POLE: variants seen among roughly 807,000 people sequenced by gnomAD.
POLE encodes the protein DNA polymerase epsilon catalytic subunit A.
In POLE, 188 loss-of-function variants were observed where a neutral mutation model predicts 279.2. That is an observed-to-expected ratio of 0.67 (90% CI 0.60 to 0.76). The LOEUF (loss-of-function observed/expected upper bound fraction) is 0.76. POLE is among the 30% of genes least tolerant of loss of function. POLE has a pLI of 0.00. For missense variants in POLE, 2,703 were observed against 3,016.7 expected (o/e 0.90, Z 2.44); for synonymous variants, 1,214 against 1,172.5 (o/e 1.04, Z -0.72).
intron 9 of POLE, 170 bp downstream of exon 9, chr12:132,676,376 T>C: frequency 1.4e-6 from 1 of 709,074 alleles, no homozygotes; most frequent in East Asian, 2.7e-5. Flanking sequence ...GGATTCCCAC[T>C]CGAAAGGGGA....
Position 132,668,777 on chromosome 12 carries a change from A to C in POLE, c.1923+34T>G, listed in dbSNP as rs761649085. On this transcript the variant is annotated intron_variant, in intron 17 of 48. Transcript: ENST00000320574. The surrounding 1 kb of genome is among the most constrained non-coding windows in gnomAD (Gnocchi z 4.0). Reference sequence around the variant, plus strand: ...AAAGCACTTAGGGCTGGGCAGAGAGAGCTCCGACTCTGACACGGGAAGTAA... The same window carrying C: ...AAAGCACTTAGGGCTGGGCAGAGAGCGCTCCGACTCTGACACGGGAAGTAA... 1.2e-6 allele frequency: 2 copies of C among 1,613,668 alleles called. No individual in the cohort carries two copies. The highest frequency in any genetic ancestry group is 4.5e-5 in the East Asian group (2 of 44,852).
rs984562653 is a variant in POLE at position 132,649,515 on chromosome 12, C to T, written c.3796G>A (p.Glu1266Lys). 2 of 1,611,778 alleles carry T rather than the reference C, an allele frequency of 1.2e-6. No individual in the cohort carries two copies. The highest frequency in any genetic ancestry group is 2.2e-5 in the East Asian group (1 of 44,858). The stretch of plus-strand genomic sequence containing the variant: ...AACCGGAGCCAGACAAGCCATTCCT[C>T]CTGGGATGGATGGTGAGCACAGCCA... ...GQPPALGTSQ[E>K]EWLVWLRFHK... The change falls in exon 31 of 49, where the codon GAG (glutamate) becomes AAG (lysine). Residue 1266 changes from glutamate (E) to lysine (K), a missense_variant and splice_region_variant. Glu to Lys is a moderately conservative substitution (Grantham distance 56). Around this residue, in one of 5 missense-constraint regions of POLE, gnomAD observed 1,551 missense variants for 1,686.1 expected, o/e 0.92. Coordinates refer to ENST00000320574, the MANE Select transcript of POLE (RefSeq NM_006231.4).
In POLE at chr12:132,672,651, G is replaced by T. The variant is rs752219944; in HGVS notation, c.1662C>A (p.Ser554Arg). The change falls in exon 15 of 49, where the codon AGC (serine) becomes AGA (arginine). Residue 554 changes from serine (S) to arginine (R), a missense_variant. Transcript: ENST00000320574. ...VEALESGVFR[S>R]DIPCRFRMNP... ...CCATCCTAAACCGGCAAGGGATATC[G>T]CTGCGGAAAACCCCAGACTCGAGGG... The T allele has an allele frequency of 3.1e-6, 5 of 1,613,954 alleles. No homozygotes were observed. The highest frequency in any genetic ancestry group is 3.4e-6 in the Non-Finnish European group (4 of 1,180,010).
At chr12:132,643,037 A>C in intron 35 of POLE, 41 bp from the exon 36 acceptor site, 1 of 1,551,754 alleles carries the variant, frequency 6.4e-7, no homozygotes, top group South Asian at 1.2e-5. Flanking sequence ...CCTGCGCAGG[A>C]GGAAGTGGGG....
At chr12:132,653,458 T>C (rs1406574948) in intron 29 of POLE, among the ~76,000 whole-genome samples, 1 of 152,260 alleles carries the variant, frequency 6.6e-6, no homozygotes, top group Non-Finnish European at 1.5e-5. Flanking sequence ...ACATTATTTA[T>C]TGCTATTGTA....
chr12:132,665,961 G>A (rs1404228157), intron 20 of POLE, among the ~76,000 whole-genome samples: 4 of 152,206 alleles, frequency 2.6e-5, no homozygotes, highest in Non-Finnish European at 5.9e-5. Flanking sequence ...TGATGAGGGA[G>A]ACAGATGAAC....
chr12:132,681,054 T>G lies in POLE; in HGVS notation c.204+84A>C, dbSNP rs535528585. On this transcript the variant is annotated intron_variant, in intron 2 of 48. Transcript: ENST00000320574. ...GATTCACTCAAAGTTCCCTCATGTG[T>G]CCCCCACTCTTTAGATAAGGACCAC... 4.0e-6 allele frequency: 6 copies of G among 1,493,276 alleles called. No homozygotes were observed. The Admixed American group carries it at 7.3e-5, about 18-fold the overall frequency. 92.5% of individuals were successfully genotyped at this position (1,493,276 alleles called of 1,614,324 possible).
Position 132,638,997 on chromosome 12 carries a change from T to G in POLE, c.5552+128A>C, listed in dbSNP as rs1230074252. On this transcript the variant is annotated intron_variant, in intron 40 of 48. Transcript: ENST00000320574. ...TTCTCTGGGATCCTTTGGATTGTTA[T>G]GCTCCACAAACTCAGAAATACACTA... is the stretch of plus-strand genomic sequence containing the variant. 1.2e-5 allele frequency: 10 copies of G among 804,470 alleles called. No homozygotes were observed. In the Middle Eastern group the frequency reaches 1.1e-3, roughly 90 times the overall value. The allele number at this position is 804,470 out of a possible 1,614,324, so 49.8% of individuals were successfully genotyped here.
In POLE at chr12:132,668,616, C is replaced by G. The variant is rs1340647788; in HGVS notation, c.2026+19G>C. 1.9e-6 allele frequency: 3 copies of G among 1,602,864 alleles called. No individual in the cohort carries two copies. The African/African-American group carries it at 4.0e-5, about 21-fold the overall frequency. On this transcript the variant is annotated intron_variant, in intron 18 of 48. Coordinates refer to ENST00000320574, the MANE Select transcript of POLE (RefSeq NM_006231.4). The surrounding 1 kb of genome is among the most constrained non-coding windows in gnomAD (Gnocchi z 4.0). The stretch of plus-strand genomic sequence containing the variant: ...CACCCGTTTCCCACCGAGTGCCCAC[C>G]CAGGCGGCCGACACTCACTGAACTC...
In POLE at chr12:132,637,998, G is replaced by T; in HGVS notation, c.5678+16C>A. ...CAAAGCCACAGTGCTGCGTCACCAGGACCAGCCAGCCGCACCTGCTGGTGA... is the reference window on the plus strand; with the variant it reads ...CAAAGCCACAGTGCTGCGTCACCAGTACCAGCCAGCCGCACCTGCTGGTGA... On this transcript the variant is annotated intron_variant, in intron 41 of 48. Coordinates refer to ENST00000320574, the MANE Select transcript of POLE (RefSeq NM_006231.4). 6.2e-7 allele frequency: 1 copy of T among 1,613,128 alleles called. No homozygotes were observed. The highest frequency in any genetic ancestry group is 8.5e-7 in the Non-Finnish European group (1 of 1,179,414).
At chr12:132,687,193 G>A in intron 1 of POLE, 61 bp downstream of exon 1, 3 of 1,155,908 alleles carry the variant, frequency 2.6e-6, no homozygotes, top group Non-Finnish European at 3.4e-6. Flanking sequence ...CGCCAGCCGA[G>A]GACGGCCCCA....
chr12:132,657,454 G>A (rs1224465872), intron 27 of POLE, 25 bp from the exon 28 acceptor site: 1 of 1,606,618 alleles, frequency 6.2e-7, no homozygotes, highest in South Asian at 1.1e-5. Flanking sequence ...AACGGGCACA[G>A]AGAACAGCAG....
chr12:132,626,175 C>G lies in POLE; in HGVS notation c.6473G>C (p.Cys2158Ser). The G allele has an allele frequency of 6.2e-7, 1 of 1,612,834 alleles. No individual in the cohort carries two copies. Among genetic ancestry groups the G allele is most frequent in the Non-Finnish European group, 8.5e-7 (1 of 1,179,510 alleles). The change falls in exon 46 of 49, where the codon TGC becomes TCC. Residue 2158 changes from cysteine (C) to serine (S), a missense_variant. Cys to Ser is a moderately radical substitution (Grantham distance 112, BLOSUM62 -1). Coordinates refer to ENST00000320574, the MANE Select transcript of POLE (RefSeq NM_006231.4). ...CRSYVLPEVI[C>S]RSCNFCRDLD... ...GTCGCGGCAGAAGTTACAGCTGCGG[C>G]AGATGACCTCAGGAAGCACGTAGGA...
rs2135976787 is a variant in POLE, at chr12:132,668,535, G to A, written c.2027-33C>T. 6.3e-7 allele frequency: 1 copy of A among 1,580,964 alleles called. No homozygotes were observed. Among genetic ancestry groups the A allele is most frequent in the Non-Finnish European group, 8.6e-7 (1 of 1,159,298 alleles). ...GGAGGCAATGGGGGCAAGTTCAAAA[G>A]GAGGCACAGACACACCGGCTTCCCA... is the stretch of plus-strand genomic sequence containing the variant. On this transcript the variant is annotated intron_variant, in intron 18 of 48. Coordinates refer to ENST00000320574, the MANE Select transcript of POLE (RefSeq NM_006231.4). This position sits in a 1 kb window ranked among gnomAD's most constrained non-coding sequence, Gnocchi z 4.0.
At chr12:132,666,667 T>C (rs1179893194) in intron 20 of POLE, among the ~76,000 whole-genome samples, 1 of 149,528 alleles carries the variant, frequency 6.7e-6, no homozygotes, top group Non-Finnish European at 1.5e-5. Context: ...ATCCCTAGAG[T>C]CGTGGAATTC....
Position 132,664,162 on chromosome 12 carries a change from G to GTTC in POLE, c.2562-15_2562-14insGAA. 1 of 1,613,476 alleles carries GTTC rather than the reference G, an allele frequency of 6.2e-7. No homozygotes were observed. Among genetic ancestry groups the GTTC allele is most frequent in the Non-Finnish European group, 8.5e-7 (1 of 1,179,922 alleles). On this transcript the variant is annotated splice_polypyrimidine_tract_variant and intron_variant, in intron 22 of 48. Coordinates refer to ENST00000320574, the MANE Select transcript of POLE (RefSeq NM_006231.4). The surrounding 1 kb of genome is among the most constrained non-coding windows in gnomAD (Gnocchi z 5.3). Reference sequence around the variant, plus strand: ...TCTAAGGGCCTCCTTCAGAGAAAGAGAGGAGCAAGGTCGTGAGTTCCCCTT... The same window carrying GTTC: ...TCTAAGGGCCTCCTTCAGAGAAAGAGTTCAGGAGCAAGGTCGTGAGTTCCCCTT...
Position 132,642,198 on chromosome 12 carries a change from TG to T in POLE, c.5151del (p.Asn1717LysfsTer44), listed in dbSNP as rs1565936691. On this transcript the variant is annotated frameshift_variant, in exon 38 of 49. Transcript: ENST00000320574. LOFTEE classifies it high-confidence loss of function. ...TTACCTGTGGAGTAACAGCCTGAACTGTTGATCTCAACAGTGGCTTGGTCAT... is the reference window on the plus strand; with the variant it reads ...TTACCTGTGGAGTAACAGCCTGAACTTTGATCTCAACAGTGGCTTGGTCAT... ...EFDDQATVEI[N>X]SSGCYSTVCV... The T allele has an allele frequency of 6.3e-7, 1 of 1,590,762 alleles. No homozygotes were observed. Among genetic ancestry groups the T allele is most frequent in the Non-Finnish European group, 8.6e-7 (1 of 1,169,048 alleles).
Position 132,659,383 on chromosome 12 carries a change from A to C in POLE, c.3187T>G (p.Phe1063Val), listed in dbSNP as rs2138676128. Reference sequence around the variant, plus strand: ...TCCTTGACCATCTGGTCTCCCAGGAACTCGGCCAGGCGCTTTGCTGTGCTG... The same window carrying C: ...TCCTTGACCATCTGGTCTCCCAGGACCTCGGCCAGGCGCTTTGCTGTGCTG... ...SISTAKRLAEFLGDQMVKDAG... is the reference protein window; with the variant it reads ...SISTAKRLAEVLGDQMVKDAG... Residue 1063 changes from phenylalanine (F) to valine (V), a missense_variant, in exon 26 of 49, where the codon TTC becomes GTC. This residue lies in a region of POLE where 1,551 missense variants were observed against 1,686.1 expected (regional missense o/e 0.92). Coordinates refer to ENST00000320574, the MANE Select transcript of POLE (RefSeq NM_006231.4). The C allele has an allele frequency of 6.2e-7, 1 of 1,614,170 alleles. No individual in the cohort carries two copies. Among genetic ancestry groups the C allele is most frequent in the Non-Finnish European group, 8.5e-7 (1 of 1,180,014 alleles).
In POLE at chr12:132,657,336, A is replaced by C. The variant is rs372587100; in HGVS notation, c.3459+13T>G. The stretch of plus-strand genomic sequence containing the variant: ...TTTAGCCCCACAGCCCGTGCCACTG[A>C]CCCCGCCCTTACCTGCTGCAGGGCC... On this transcript the variant is annotated intron_variant, in intron 28 of 48. Coordinates refer to ENST00000320574, the MANE Select transcript of POLE (RefSeq NM_006231.4). The C allele has an allele frequency of 2.5e-6, 4 of 1,613,718 alleles. No homozygotes were observed. The African/African-American group carries it at 5.3e-5, about 22-fold the overall frequency.
Sources: allele counts gnomAD v4.1 joint callset (sites outside exome capture counted in the v4.1 genomes callset), GRCh38; gene constraint gnomAD v4.1.1; regional missense constraint gnomAD v4.1.1; non-coding constraint Gnocchi (gnomAD v3.1); transcripts MANE v1.5; gene names NCBI Gene and HGNC (gene_info 2026-07-23, HGNC 2026-07-21).